Variants in CD2BP2 observed in about 807,000 individuals in gnomAD.
CD2BP2 encodes the protein CD2 antigen cytoplasmic tail-binding protein 2.
In CD2BP2, 27 loss-of-function variants were observed where a neutral mutation model predicts 35.9. The ratio of observed to expected loss-of-function variants is 0.75; its 90% confidence interval spans 0.55 to 1.04. The LOEUF (loss-of-function observed/expected upper bound fraction) is 1.04. Among genes scored for constraint, CD2BP2 ranks in the 50% least tolerant of loss-of-function variants. CD2BP2 has a pLI of 0.00. For missense variants in CD2BP2, 497 were observed against 444.3 expected, an observed-to-expected ratio of 1.12 and a Z score of -1.07; for synonymous variants, 213 against 173.5, an observed-to-expected ratio of 1.23 and a Z score of -1.79.
At position 30,354,918 on chromosome 16, in the gene CD2BP2, G is replaced by A. The variant is rs2049522874; in HGVS notation, c.-26-211C>T. ...TAAACGGGGCGGGGACGGAGGAGCG[G>A]ACCCTCTGGATCCCCCGACCCTGGC... On this transcript the variant is annotated intron_variant, in intron 1 of 6. Transcript: ENST00000305596. 3 of 534,260 alleles carry A rather than the reference G, an allele frequency of 5.6e-6. No individual in the cohort carries two copies. In the South Asian group the frequency reaches 6.4e-5, roughly 11 times the overall value. The allele number at this position is 534,260 out of a possible 1,614,324, so 33.1% of individuals were successfully genotyped here. A position where few individuals can be genotyped will look rare whatever the true frequency, so the allele number is the denominator to read the frequency against.
rs1156525000 is a variant in CD2BP2 at position 30,352,820 on chromosome 16, T to A, written c.*165A>T. On this transcript the variant is annotated 3_prime_UTR_variant, in exon 7 of 7. Transcript: ENST00000305596. ...GACTGTGGAGAAGGCCCCTGGCTTC[T>A]GGCCATCAGCACAGCCAAGGCCCCA... 2 of 612,538 alleles carry A rather than the reference T, an allele frequency of 3.3e-6. No homozygotes were observed. Among genetic ancestry groups the A allele is most frequent in the Non-Finnish European group, 5.8e-6 (2 of 341,994 alleles). 37.9% of individuals were successfully genotyped at this position (612,538 alleles called of 1,614,324 possible).
Position 30,353,269 on chromosome 16 carries a change from T to C in CD2BP2, c.827A>G (p.Asp276Gly). Residue 276 changes from aspartate (D) to glycine (G), a missense_variant, in exon 6 of 7, where the codon GAT becomes GGT. Asp to Gly is a moderately conservative substitution (Grantham distance 94, BLOSUM62 -1). Coordinates refer to ENST00000305596, the MANE Select transcript of CD2BP2 (RefSeq NM_006110.3). ...TTCCCACATCACATCCACCAGACCA[T>C]CTCCCCGCGACTCTGCTTCTAAAAT... ...TQRGEAESRG[D>G]GLVDVMWEYK... 1 of 1,613,998 alleles carries C rather than the reference T, an allele frequency of 6.2e-7. No individual in the cohort carries two copies. The highest frequency in any genetic ancestry group is 8.5e-7 in the Non-Finnish European group (1 of 1,179,980).
chr16:30,353,273 C>T lies in CD2BP2; in HGVS notation c.823G>A (p.Gly275Arg), dbSNP rs771809634. The change falls in exon 6 of 7, where the codon GGA becomes AGA. Residue 275 changes from glycine to arginine, a missense_variant. Physicochemically the swap from Gly to Arg is moderately radical, Grantham distance 125. Coordinates refer to ENST00000305596, the MANE Select transcript of CD2BP2 (RefSeq NM_006110.3). ...CACATCACATCCACCAGACCATCTCCCCGCGACTCTGCTTCTAAAATAACA... is the reference window on the plus strand; with the variant it reads ...CACATCACATCCACCAGACCATCTCTCCGCGACTCTGCTTCTAAAATAACA... Reference protein sequence around the residue: ...PTQRGEAESRGDGLVDVMWEY... With the variant: ...PTQRGEAESRRDGLVDVMWEY... 2.6e-5 allele frequency: 42 copies of T among 1,614,048 alleles called. No homozygotes were observed. The highest frequency in any genetic ancestry group is 1.8e-4 in the Admixed American group (11 of 59,998).
In CD2BP2 at chr16:30,353,054, G is replaced by A. The variant is rs2049496224; in HGVS notation, c.957C>T (p.Cys319=). ...SEGYFPDGVY[C]RKLDPPGGQF... is the part of the protein sequence containing the mutation. ...GACCACCAGGGGGGTCCAGCTTCCG[G>A]CAATAAACACCGTCCGGGAAGTAGC... is the stretch of plus-strand genomic sequence containing the variant. The change falls in exon 7 of 7, where the codon TGC becomes TGT. Residue 319 remains cysteine (C), a synonymous_variant. Transcript: ENST00000305596. The A allele has an allele frequency of 1.2e-6, 2 of 1,614,032 alleles. No individual in the cohort carries two copies. The highest frequency in any genetic ancestry group is 1.7e-6 in the Non-Finnish European group (2 of 1,179,954).
intron 5 of CD2BP2, 30 bp downstream of exon 5, chr16:30,353,338 A>C (rs371747799): frequency 6.2e-7 from 1 of 1,613,096 alleles, no homozygotes; most frequent in Non-Finnish European, 8.5e-7. Context: ...CTTCCTACCC[A>C]CTGCCCCCTC....
At position 30,353,030 on chromosome 16, in the gene CD2BP2, A is replaced by AC; in HGVS notation, c.980dup (p.Gln328SerfsTer9). ...CAATGCGTTTGGAGTTGTAGAACTG[A>AC]CCACCAGGGGGGTCCAGCTTCCGGC... On this transcript the variant is annotated frameshift_variant, in exon 7 of 7. Transcript: ENST00000305596. LOFTEE classifies it high-confidence loss of function. The AC allele has an allele frequency of 6.2e-7, 1 of 1,614,010 alleles. No individual in the cohort carries two copies. The highest frequency in any genetic ancestry group is 1.7e-5 in the Admixed American group (1 of 59,998).
Position 30,354,218 on chromosome 16 carries a change from G to C in CD2BP2, c.183C>G (p.Ser61Arg), listed in dbSNP as rs1003133563. Residue 61 changes from serine to arginine, a missense_variant, in exon 3 of 7, where the codon AGC (serine) becomes AGG (arginine). By Grantham distance (110) the Ser-to-Arg change is moderately radical. Transcript: ENST00000305596. Reference protein sequence around the residue: ...EEEDDDDGGSSKYDILASEDV... With the variant: ...EEEDDDDGGSRKYDILASEDV... Reference sequence around the variant, plus strand: ...CCTCTGAGGCCAAGATGTCATATTTGCTGGACCCCCCATCATCATCATCCT... The same window carrying C: ...CCTCTGAGGCCAAGATGTCATATTTCCTGGACCCCCCATCATCATCATCCT... The C allele has an allele frequency of 6.2e-7, 1 of 1,614,006 alleles. No individual in the cohort carries two copies. The highest frequency in any genetic ancestry group is 8.5e-7 in the Non-Finnish European group (1 of 1,180,002).
rs2049492864 is a variant in CD2BP2, at chr16:30,352,785, A to C, written c.*200T>G. 3 of 590,698 alleles carry C rather than the reference A, an allele frequency of 5.1e-6. No homozygotes were observed. The highest frequency in any genetic ancestry group is 6.0e-6 in the Non-Finnish European group (2 of 331,258). 36.6% of individuals were successfully genotyped at this position (590,698 alleles called of 1,614,324 possible). On this transcript the variant is annotated 3_prime_UTR_variant, in exon 7 of 7. Transcript: ENST00000305596. Reference sequence around the variant, plus strand: ...ATGGGAGTACTCAGGGACCAAGACAAGTCCAAAGGGACTGTGGAGAAGGCC... The same window carrying C: ...ATGGGAGTACTCAGGGACCAAGACACGTCCAAAGGGACTGTGGAGAAGGCC...
In CD2BP2 at chr16:30,354,644, T is replaced by C; in HGVS notation, c.38A>G (p.Asp13Gly). 1.2e-6 allele frequency: 2 copies of C among 1,613,802 alleles called. No individual in the cohort carries two copies. Among genetic ancestry groups the C allele is most frequent in the African/African-American group, 1.3e-5 (1 of 74,866 alleles). Reference protein sequence around the residue: ...KRKVTFQGVGDEEDEDEIIVP... With the variant: ...KRKVTFQGVGGEEDEDEIIVP... The stretch of plus-strand genomic sequence containing the variant: ...AATGATTTCATCCTCATCCTCCTCA[T>C]CTCCCACGCCTTGGAAGGTCACTTT... Residue 13 changes from aspartate to glycine, a missense_variant, in exon 2 of 7, where the codon GAT becomes GGT. Coordinates refer to ENST00000305596, the MANE Select transcript of CD2BP2 (RefSeq NM_006110.3).
Position 30,353,817 on chromosome 16 carries a change from G to A in CD2BP2, c.376-17C>T, listed in dbSNP as rs771885448. On this transcript the variant is annotated splice_polypyrimidine_tract_variant and intron_variant, in intron 4 of 6. Transcript: ENST00000305596. Reference sequence around the variant, plus strand: ...GATCTTCACCTGTAATGGGAAGATGGAGTGATTTCCCACCAACTGCCACGG... The same window carrying A: ...GATCTTCACCTGTAATGGGAAGATGAAGTGATTTCCCACCAACTGCCACGG... The A allele has an allele frequency of 5.6e-6, 9 of 1,605,304 alleles. No homozygotes were observed. The Middle Eastern group carries it at 5.0e-4, about 88-fold the overall frequency.
Position 30,353,381 on chromosome 16 carries a change from A to G in CD2BP2, c.795T>C (p.Pro265=), listed in dbSNP as rs1359578056. 1.9e-5 allele frequency: 30 copies of G among 1,612,960 alleles called. No homozygotes were observed. The highest frequency in any genetic ancestry group is 2.1e-5 in the Non-Finnish European group (25 of 1,179,348). ...LAEEELETPT[P]TQRGEAESRG... is the part of the protein sequence containing the mutation. ...CTCCAAGCTCACCTCCTCTCTGGGT[A>G]GGGGTTGGGGTCTCCAGTTCCTCCT... is the stretch of plus-strand genomic sequence containing the variant. Residue 265 remains proline, a synonymous_variant, in exon 5 of 7, where the codon CCT becomes CCC. Transcript: ENST00000305596.
At chr16:30,355,015 A>C (rs1264740526) in intron 1 of CD2BP2, 197 bp downstream of exon 1, 1 of 313,028 alleles carries the variant, frequency 3.2e-6, no homozygotes, top group African/African-American at 2.2e-5. Flanking sequence ...CACCGGCTCC[A>C]CGGGCTGACC....
intron 5 of CD2BP2, 36 bp from the exon 6 acceptor site, chr16:30,353,323 T>A (rs2049500194): frequency 6.2e-7 from 1 of 1,612,808 alleles, no homozygotes; most frequent in South Asian, 1.1e-5. Context: ...GCCTCCAGTG[T>A]CTCACTTCCT....
At chr16:30,355,107 C>T (rs1157244657) in intron 1 of CD2BP2, 105 bp downstream of exon 1, 1 of 235,998 alleles carries the variant, frequency 4.2e-6, no homozygotes, top group Non-Finnish European at 8.5e-6. Flanking sequence ...CCCGTTCCTC[C>T]CTGCTCCGAA....
Position 30,352,520 on chromosome 16 carries a change from C to G in CD2BP2, c.*465G>C, listed in dbSNP as rs982416970. The G allele has an allele frequency of 5.9e-6, 1 of 170,022 alleles. No individual in the cohort carries two copies. Among genetic ancestry groups the G allele is most frequent in the African/African-American group, 2.4e-5 (1 of 41,786 alleles). The allele number at this position is 170,022 out of a possible 1,614,324, so 10.5% of individuals were successfully genotyped here. A position where few individuals can be genotyped will look rare whatever the true frequency, so the allele number is the denominator to read the frequency against. On this transcript the variant is annotated 3_prime_UTR_variant, in exon 7 of 7. Coordinates refer to ENST00000305596, the MANE Select transcript of CD2BP2 (RefSeq NM_006110.3). ...TCCATGCTCACCCCCAACAGGGTCC[C>G]AATGTCTTCTCGATGCCCTGGTCCT...
intron 2 of CD2BP2, 129 bp downstream of exon 2, chr16:30,354,475 A>C: frequency 7.4e-7 from 1 of 1,353,046 alleles, no homozygotes; most frequent in South Asian, 1.3e-5. Flanking sequence ...CTCCCAACCC[A>C]TTCCTCAGAG....
In CD2BP2 at chr16:30,352,061, C is replaced by T. The variant is rs17839551; in HGVS notation, c.*924G>A. 0.17 allele frequency: 25,355 copies of T among 152,500 alleles called. 2,737 individuals carry two copies. The highest frequency in any genetic ancestry group is 0.25 in the Non-Finnish European group (17,111 of 68,160). 9.4% of individuals were successfully genotyped at this position (152,500 alleles called of 1,614,324 possible). ...CATCTGTCTATTTCCCATGCCCCTG[C>T]CACCAGACTCTGAATTCCTGGAAGG... On this transcript the variant is annotated 3_prime_UTR_variant, in exon 7 of 7. Coordinates refer to ENST00000305596, the MANE Select transcript of CD2BP2 (RefSeq NM_006110.3).
chr16:30,353,116 TG>T, intron 6 of CD2BP2, 21 bp from the exon 7 acceptor site: 1 of 1,610,460 alleles, frequency 6.2e-7, no homozygotes, highest in Non-Finnish European at 8.5e-7. Flanking sequence ...AGGGCAGAGC[TG>T]GGGAACAACT....
chr16:30,354,834 G>T (rs150391839), intron 1 of CD2BP2, 127 bp from the exon 2 acceptor site: 2 of 728,734 alleles, frequency 2.7e-6, no homozygotes, highest in Non-Finnish European at 4.8e-6. Context: ...CAAAAGCAGG[G>T]GCCGAAAGGA....
Sources: allele counts gnomAD v4.1 joint callset, GRCh38; gene constraint gnomAD v4.1.1; transcripts MANE v1.5; gene names NCBI Gene and HGNC (gene_info 2026-07-23, HGNC 2026-07-21).